The following LRRIQ1 variants were observed in gnomAD, a reference collection of about 807,000 sequenced individuals.
LRRIQ1 encodes the protein leucine-rich repeat- and IQ domain-containing protein 1.
LRRIQ1 carries 210 observed loss-of-function variants against 211.9 expected under a neutral mutation model. That is an observed-to-expected ratio of 0.99 (90% confidence interval 0.89 to 1.11). LRRIQ1 has a LOEUF of 1.11. Ranked by LOEUF, LRRIQ1 falls within the 50% of genes most tolerant of loss-of-function variation. The probability of loss-of-function intolerance (pLI) is 0.00; values close to 1 mark genes in which losing one functional copy is unlikely to be tolerated. For missense variants in LRRIQ1, 2,136 were observed against 1,939.5 expected, an observed-to-expected ratio of 1.10 and a Z score of -1.90; for synonymous variants, 699 against 650.1, an observed-to-expected ratio of 1.08 and a Z score of -1.14.
At chr12:85,143,949 T>A (rs1889715654) in intron 19 of LRRIQ1, among the ~76,000 whole-genome samples, 1 of 151,616 alleles carries the variant, frequency 6.6e-6, no homozygotes. Flanking sequence ...GGGGTACATG[T>A]GCAGCTTTGC....
chr12:85,222,490 G>A (rs1894447735), intron 24 of LRRIQ1, among the ~76,000 whole-genome samples: 1 of 152,120 alleles, frequency 6.6e-6, no homozygotes, highest in South Asian at 2.1e-4. Context: ...CTATAGAGAA[G>A]TCAGTAAGAT....
chr12:85,099,013 A>C lies in LRRIQ1; in HGVS notation c.3209+19A>C. The C allele has an allele frequency of 6.7e-7, 1 of 1,481,712 alleles. No individual in the cohort carries two copies. Among genetic ancestry groups the C allele is most frequent in the Admixed American group, 2.1e-5 (1 of 47,674 alleles). 91.8% of individuals were successfully genotyped at this position (1,481,712 alleles called of 1,614,324 possible). The stretch of plus-strand genomic sequence containing the variant: ...AAAACAGGTAAAAGCATACTTAAGA[A>C]ATAAATTCAGTGAATGATTGTTTAA... On this transcript the variant is annotated intron_variant, in intron 13 of 26. Transcript: ENST00000393217.
At chr12:85,087,636 C>T (rs1884966847) in intron 11 of LRRIQ1, among the ~76,000 whole-genome samples, 2 of 152,192 alleles carry the variant, frequency 1.3e-5, no homozygotes, top group Non-Finnish European at 2.9e-5. Flanking sequence ...GATTGCCATT[C>T]TAACTGGTGT....
chr12:85,195,568 C>T (rs1892857064), intron 24 of LRRIQ1, among the ~76,000 whole-genome samples: 1 of 152,016 alleles, frequency 6.6e-6, no homozygotes. Context: ...GAACCAAAGA[C>T]AAAAACCACA....
At chr12:85,093,442 A>T (rs375008046) in intron 11 of LRRIQ1, among the ~76,000 whole-genome samples, 4 of 152,270 alleles carry the variant, frequency 2.6e-5, no homozygotes, top group African/African-American at 9.6e-5. Context: ...CTTAACTCAC[A>T]TCTGTTTGCA....
rs553609468 is a variant in LRRIQ1 at position 85,040,492 on chromosome 12, T to G, written c.135T>G (p.Asp45Glu). The G allele has an allele frequency of 1.0e-5, 16 of 1,525,962 alleles. No individual in the cohort carries two copies. The South Asian group carries it at 2.1e-4, about 20-fold the overall frequency. 94.5% of individuals were successfully genotyped at this position (1,525,962 alleles called of 1,614,324 possible). A position where few individuals can be genotyped will look rare whatever the true frequency, so the allele number is the denominator to read the frequency against. ...TCTTGTATTATTCAAATTTTTAGGA[T>G]TCAGTTGAATTACCAGAATCAGTTC... Reference protein sequence around the residue: ...SETQSDDSDTDSVELPESVLH... With the variant: ...SETQSDDSDTESVELPESVLH... The change falls in exon 3 of 27, where the codon GAT becomes GAG. Residue 45 changes from aspartate (D) to glutamate (E), a missense_variant and splice_region_variant. Physicochemically the swap from Asp to Glu is conservative, Grantham distance 45. Transcript: ENST00000393217.
intron 21 of LRRIQ1, 74 bp from the exon 22 acceptor site, chr12:85,153,589 A>C: frequency 1.1e-6 from 1 of 907,748 alleles, no homozygotes; most frequent in Non-Finnish European, 1.7e-6. Flanking sequence ...AGACAACATA[A>C]ACAGTTTGTA....
At chr12:85,123,033 G>A (rs541883418) in intron 16 of LRRIQ1, among the ~76,000 whole-genome samples, 1 of 151,926 alleles carries the variant, frequency 6.6e-6, no homozygotes, top group African/African-American at 2.4e-5. Flanking sequence ...TATTTTATAT[G>A]TTGAATGCAT....
intron 8 of LRRIQ1, among the ~76,000 whole-genome samples, chr12:85,064,733 T>A (rs1882246732): frequency 6.6e-6 from 1 of 151,838 alleles, no homozygotes; most frequent in Non-Finnish European, 1.5e-5. Flanking sequence ...CTAGTTTCAT[T>A]TTTCTGCATA....
At position 85,055,976 on chromosome 12, in the gene LRRIQ1, A is replaced by G. The variant is rs1268349844; in HGVS notation, c.1183A>G (p.Ile395Val). 1 of 1,609,966 alleles carries G rather than the reference A, an allele frequency of 6.2e-7. No homozygotes were observed. Among genetic ancestry groups the G allele is most frequent in the Non-Finnish European group, 8.5e-7 (1 of 1,178,016 alleles). The part of the protein sequence containing the change: ...ILREDASQQL[I>V]ISSALKKSGY... ...AAGAGAAGATGCAAGCCAACAGCTA[A>G]TAATAAGTAGTGCATTAAAGAAGAG... The change falls in exon 8 of 27, where the codon ATA becomes GTA. Residue 395 changes from isoleucine to valine, a missense_variant. Coordinates refer to ENST00000393217, the MANE Select transcript of LRRIQ1 (RefSeq NM_001079910.2).
intron 24 of LRRIQ1, among the ~76,000 whole-genome samples, chr12:85,190,955 G>C (rs1892481961): frequency 6.6e-6 from 1 of 151,916 alleles, no homozygotes; most frequent in Non-Finnish European, 1.5e-5. Context: ...TTCTGTTTCT[G>C]GCAGTGTGGT....
intron 1 of LRRIQ1, among the ~76,000 whole-genome samples, chr12:85,252,594 T>C (rs1895977672): frequency 6.6e-6 from 1 of 151,864 alleles, no homozygotes; most frequent in Admixed American, 6.6e-5. Context: ...TGGAATTCTG[T>C]GAAAGGTGAC....
At chr12:85,155,079 G>T (rs556658359) in intron 23 of LRRIQ1, among the ~76,000 whole-genome samples, 26 of 151,376 alleles carry the variant, frequency 1.7e-4, no homozygotes, top group Non-Finnish European at 3.1e-4. Flanking sequence ...AGGAATAACT[G>T]ATATTTATTG....
At chr12:85,198,636 C>CGA (rs1284046695) in intron 24 of LRRIQ1, among the ~76,000 whole-genome samples, 1 of 151,298 alleles carries the variant, frequency 6.6e-6, no homozygotes, top group Non-Finnish European at 1.5e-5. Flanking sequence ...GGTGCTATCT[C>CGA]AGCTCACTGC....
downstream of LRRIQ1, among the ~76,000 whole-genome samples, chr12:85,246,511 T>C (rs925551517): frequency 6.6e-6 from 1 of 151,510 alleles, no homozygotes; most frequent in African/African-American, 2.4e-5. Flanking sequence ...GTTTATAATG[T>C]ATTACCTGAA....
chr12:85,258,673 A>G (rs1206237149), intron 1 of LRRIQ1, among the ~76,000 whole-genome samples: 1 of 151,972 alleles, frequency 6.6e-6, no homozygotes, highest in Non-Finnish European at 1.5e-5. Flanking sequence ...ATTGATGTAA[A>G]CGCTTTGCTG....
In LRRIQ1 at chr12:85,056,078, GA is replaced by G; in HGVS notation, c.1289del (p.Asn430IlefsTer12). ...TGATATAGCCAAAAATCTAGTGGAT[GA>G]AAATTCAAAGAAGCAGGAAGATGTT... Reference protein sequence around the residue: ...KGDIAKNLVDENSKKQEDVLL... With the variant: ...KGDIAKNLVDXNSKKQEDVLL... On this transcript the variant is annotated frameshift_variant, in exon 8 of 27. Coordinates refer to ENST00000393217, the MANE Select transcript of LRRIQ1 (RefSeq NM_001079910.2). LOFTEE classifies it high-confidence loss of function. 4 of 1,595,676 alleles carry G rather than the reference GA, an allele frequency of 2.5e-6. No individual in the cohort carries two copies. The highest frequency in any genetic ancestry group is 3.4e-6 in the Non-Finnish European group (4 of 1,175,038).
intron 8 of LRRIQ1, among the ~76,000 whole-genome samples, chr12:85,061,845 A>G (rs1430449406): frequency 6.6e-6 from 1 of 151,790 alleles, no homozygotes; most frequent in African/African-American, 2.4e-5. Context: ...ATTTGTTTCA[A>G]AATTGCTTTA....
chr12:85,236,670 G>A (rs1349619324), intron 26 of LRRIQ1, among the ~76,000 whole-genome samples: 1 of 151,302 alleles, frequency 6.6e-6, no homozygotes, highest in East Asian at 1.9e-4. Context: ...ATTAAAGTAG[G>A]TATTTGAATA....
Sources: gnomAD v4.1 joint callset for allele counts (sites outside exome capture counted in the v4.1 genomes callset) on GRCh38, gnomAD v4.1.1 for gene constraint, MANE v1.5 for transcripts, NCBI Gene and HGNC (gene_info 2026-07-23, HGNC 2026-07-21) for gene names.